Variants in LPP observed in about 807,000 individuals in gnomAD.
LPP encodes the protein LIM domain containing preferred translocation partner in lipoma.
Under a neutral mutation model 60.4 loss-of-function variants are expected in LPP, and 38 were observed. That is an observed-to-expected ratio of 0.63 (90% confidence interval 0.49 to 0.83). LPP has a LOEUF of 0.83. Ranked by LOEUF, LPP falls within the 40% of genes least tolerant of loss-of-function variation. The probability of loss-of-function intolerance (pLI) is 0.00; values close to 1 mark genes in which losing one functional copy is unlikely to be tolerated. For missense variants in LPP, 902 were observed against 783.6 expected (o/e 1.15, Z -1.80); for synonymous variants, 328 against 290.8 (o/e 1.13, Z -1.30).
chr3:188,560,399 G>A (rs1471096525), intron 6 of LPP, among the ~76,000 whole-genome samples: 6 of 152,092 alleles, frequency 3.9e-5, no homozygotes, highest in Non-Finnish European at 8.8e-5. Flanking sequence ...GCAGCAATGC[G>A]ATGTCAATGT....
At chr3:188,254,249 A>G (rs1028780189) in intron 2 of LPP, among the ~76,000 whole-genome samples, 21 of 152,218 alleles carry the variant, frequency 1.4e-4, no homozygotes, top group Non-Finnish European at 4.4e-5. Context: ...ATGGGCAGGA[A>G]AAACTCAGTA....
chr3:188,295,482 C>T (rs1490968242), intron 2 of LPP, among the ~76,000 whole-genome samples: 1 of 152,186 alleles, frequency 6.6e-6, no homozygotes, highest in Non-Finnish European at 1.5e-5. Flanking sequence ...TTAGGCCCTT[C>T]GTTGAGCAGT....
chr3:188,705,199 A>G (rs1213848136), intron 7 of LPP, among the ~76,000 whole-genome samples: 3 of 152,254 alleles, frequency 2.0e-5, no homozygotes, highest in Non-Finnish European at 1.5e-5. Context: ...ACCTGCTAGA[A>G]AGAATCTCCT....
intron 3 of LPP, among the ~76,000 whole-genome samples, chr3:188,376,630 G>A (rs1775185200): frequency 6.6e-6 from 1 of 152,186 alleles, no homozygotes; most frequent in African/African-American, 2.4e-5. Flanking sequence ...CCTGAATACA[G>A]CACACTGATG....
At chr3:188,680,909 G>A (rs1346644714) in intron 7 of LPP, among the ~76,000 whole-genome samples, 1 of 151,874 alleles carries the variant, frequency 6.6e-6, no homozygotes, top group African/African-American at 2.4e-5. Context: ...AGACTTTCTG[G>A]TACAGAGTAA....
intron 2 of LPP, among the ~76,000 whole-genome samples, chr3:188,261,773 A>T (rs553245121): frequency 4.6e-5 from 7 of 151,618 alleles, no homozygotes; most frequent in African/African-American, 1.7e-4. Flanking sequence ...TATTAGCTAG[A>T]TGTGGTGGCA....
chr3:188,725,462 C>A (rs1718032726), intron 8 of LPP: 1 of 152,256 alleles, frequency 6.6e-6, no homozygotes, highest in South Asian at 2.1e-4. Context: ...CAGTCACTTT[C>A]GAAGTCAAGA....
chr3:188,489,951 T>C (rs1807820892), intron 5 of LPP, among the ~76,000 whole-genome samples: 1 of 152,196 alleles, frequency 6.6e-6, no homozygotes, highest in Non-Finnish European at 1.5e-5. Flanking sequence ...TCCTTTTCTG[T>C]TTGGTCCTGC....
intron 6 of LPP, among the ~76,000 whole-genome samples, chr3:188,591,490 G>A (rs999163713): frequency 6.6e-6 from 1 of 152,188 alleles, no homozygotes; most frequent in Admixed American, 6.5e-5. Context: ...AGTAAAAGAT[G>A]CTAGTAAAAG....
intron 5 of LPP, among the ~76,000 whole-genome samples, chr3:188,521,741 T>C (rs1026163457): frequency 1.3e-5 from 2 of 152,174 alleles, no homozygotes; most frequent in African/African-American, 4.8e-5. Flanking sequence ...CTGGCTTAGA[T>C]AGAACATGTG....
At chr3:188,701,905 T>C (rs1264397944) in intron 7 of LPP, among the ~76,000 whole-genome samples, 1 of 151,290 alleles carries the variant, frequency 6.6e-6, no homozygotes, top group East Asian at 1.9e-4. Context: ...ATTGACCATA[T>C]CTTACTTCTC....
chr3:188,270,275 T>C (rs28420291), intron 2 of LPP, among the ~76,000 whole-genome samples: 17,253 of 151,772 alleles, frequency 0.11, 1,329 homozygotes, highest in African/African-American at 0.21. Context: ...CAACCTTCGT[T>C]CCCAAACACA....
intron 5 of LPP, among the ~76,000 whole-genome samples, chr3:188,502,851 T>C (rs1452609503): frequency 2.0e-5 from 3 of 152,154 alleles, no homozygotes; most frequent in African/African-American, 7.2e-5. Flanking sequence ...AATAAAGCTT[T>C]AATTATCTTA....
chr3:188,705,121 A>G (rs940025594), intron 7 of LPP, among the ~76,000 whole-genome samples: 1 of 152,216 alleles, frequency 6.6e-6, no homozygotes. Flanking sequence ...TTCATGGATT[A>G]CAAAAGTAGA....
chr3:188,764,613 T>C (rs1423241214), intron 9 of LPP, among the ~76,000 whole-genome samples: 1 of 152,200 alleles, frequency 6.6e-6, no homozygotes, highest in African/African-American at 2.4e-5. Flanking sequence ...GCAGCAACAG[T>C]GCCTCCTGCT....
intron 7 of LPP, among the ~76,000 whole-genome samples, chr3:188,612,468 C>T (rs147485591): frequency 3.2e-3 from 487 of 152,246 alleles, no homozygotes; most frequent in Non-Finnish European, 5.1e-3. Flanking sequence ...GAATTCTTAT[C>T]CCAGTTCTTT....
chr3:188,466,817 A>ATC (rs1486155929), intron 4 of LPP, among the ~76,000 whole-genome samples: 2 of 112,924 alleles, frequency 1.8e-5, no homozygotes, highest in Non-Finnish European at 3.7e-5. Context: ...ATATATATAT[A>ATC]TATATATATA....
intron 9 of LPP, among the ~76,000 whole-genome samples, chr3:188,822,575 C>T (rs1164695061): frequency 2.0e-5 from 3 of 152,148 alleles, no homozygotes; most frequent in Non-Finnish European, 2.9e-5. Flanking sequence ...GTCCTGGAGG[C>T]CCCCAGTCTT....
chr3:188,413,801 A>C (rs1000427121), intron 4 of LPP, among the ~76,000 whole-genome samples: 1 of 152,188 alleles, frequency 6.6e-6, no homozygotes. Context: ...GTGCAGTTAC[A>C]TTCAAGCTTC....
Sources: allele counts gnomAD v4.1 joint callset (sites outside exome capture counted in the v4.1 genomes callset), GRCh38; gene constraint gnomAD v4.1.1; transcripts MANE v1.5; gene names NCBI Gene and HGNC (gene_info 2026-07-23, HGNC 2026-07-21).